TECTA: variants seen among roughly 807,000 people sequenced by gnomAD.
The protein encoded by TECTA is tectorin alpha.
TECTA carries 128 observed loss-of-function variants against 216.8 expected under a neutral mutation model. The ratio of observed to expected loss-of-function variants is 0.59; its 90% CI spans 0.51 to 0.68. The LOEUF is 0.68. Ranked by LOEUF, TECTA falls within the 30% of genes least tolerant of loss-of-function variation. The pLI, the probability that TECTA is intolerant of heterozygous loss-of-function variation, is 0.00. For synonymous variants in TECTA, 1,089 were observed against 1,117.1 expected, an observed-to-expected ratio of 0.97 and a Z score of 0.50; for missense variants, 2,551 against 2,786.2, an observed-to-expected ratio of 0.92 and a Z score of 1.90.
Position 121,152,869 on chromosome 11 carries a change from C to T in TECTA, c.4106-12C>T, listed in dbSNP as rs1470772260. 1.3e-6 allele frequency: 2 copies of T among 1,595,232 alleles called. No homozygotes were observed. The highest frequency in any genetic ancestry group is 3.4e-5 in the Admixed American group (2 of 59,648). On this transcript the variant is annotated splice_polypyrimidine_tract_variant and intron_variant, in intron 12 of 23. Transcript: ENST00000392793. The stretch of plus-strand genomic sequence containing the variant: ...TGATCGTGCGAGTCTTGACTTGTCT[C>T]TCTTGTTCCAGCTGTCACCTGCCCT...
At position 121,158,046 on chromosome 11, in the gene TECTA, G is replaced by C. The variant is rs750105911; in HGVS notation, c.4511G>C (p.Arg1504Pro). ...CGCACCTTCGACGGCGCCTTCCTGC[G>C]CTTCCCAGCCAACTGCGCCTTCGTG... ...VFRTFDGAFL[R>P]FPANCAFVLS... Residue 1504 changes from arginine to proline, a missense_variant, in exon 14 of 24, where the codon CGC (arginine) becomes CCC (proline). This residue lies in a region of TECTA where 2,375 missense variants were observed against 2,563.9 expected (regional missense o/e 0.93). Coordinates refer to ENST00000392793, the MANE Select transcript of TECTA (RefSeq NM_005422.4). 2 of 1,613,438 alleles carry C rather than the reference G, an allele frequency of 1.2e-6. No homozygotes were observed. The highest frequency in any genetic ancestry group is 2.2e-5 in the South Asian group (2 of 91,086).
At chr11:121,116,582 A>G (rs1175898862) in intron 6 of TECTA, among the ~76,000 whole-genome samples, 2 of 152,202 alleles carry the variant, frequency 1.3e-5, no homozygotes, top group East Asian at 3.8e-4. Context: ...GGATGATTTC[A>G]ATATCCTTAT....
rs1404019652 is a variant in TECTA, at chr11:121,113,359, C to T, written c.624+150C>T. 6.7e-7 allele frequency: 1 copy of T among 1,484,084 alleles called. No homozygotes were observed. Among genetic ancestry groups the T allele is most frequent in the Admixed American group, 1.7e-5 (1 of 57,496 alleles). 91.9% of individuals were successfully genotyped at this position (1,484,084 alleles called of 1,614,324 possible). On this transcript the variant is annotated intron_variant, in intron 5 of 23. Coordinates refer to ENST00000392793, the MANE Select transcript of TECTA (RefSeq NM_005422.4). The surrounding 1 kb of genome is among the most constrained non-coding windows in gnomAD (Gnocchi z 4.2). The stretch of plus-strand genomic sequence containing the variant: ...GGTGGACTACGAGGCTAGTCCTGCC[C>T]ATGTTTGGCACCCTGACTCGGCTAT...
chr11:121,168,970 A>T, intron 20 of TECTA, 45 bp downstream of exon 20: 1 of 1,613,570 alleles, frequency 6.2e-7, no homozygotes, highest in Non-Finnish European at 8.5e-7. Flanking sequence ...CTTCAGGTAT[A>T]ATATTGTCCT....
In TECTA at chr11:121,105,965, G is replaced by T; in HGVS notation, c.198+1G>T. On this transcript the variant is annotated splice_donor_variant, in intron 3 of 23. Transcript: ENST00000392793. LOFTEE classifies it high-confidence loss of function. The surrounding 1 kb of genome is among the most constrained non-coding windows in gnomAD (Gnocchi z 5.3). ...TGGCGTTCCTTACCGCACTGTCTATGTAAGTGGAGAAGCAGCCCATCTGTT... is the reference window on the plus strand; with the variant it reads ...TGGCGTTCCTTACCGCACTGTCTATTTAAGTGGAGAAGCAGCCCATCTGTT... 1 of 1,614,218 alleles carries T rather than the reference G, an allele frequency of 6.2e-7. No homozygotes were observed. The highest frequency in any genetic ancestry group is 8.5e-7 in the Non-Finnish European group (1 of 1,180,030).
chr11:121,159,232 T>A (rs1457427169), intron 14 of TECTA, among the ~76,000 whole-genome samples: 1 of 152,230 alleles, frequency 6.6e-6, no homozygotes, highest in Non-Finnish European at 1.5e-5. Context: ...ATACCGGTTT[T>A]AACTTCAATG....
Position 121,102,693 on chromosome 11 carries a change from T to C in TECTA, c.28T>C (p.Trp10Arg), listed in dbSNP as rs1946357001. MNYSSFLRI[W>R]VSFIFALVQH... The stretch of plus-strand genomic sequence containing the variant: ...GAATTATTCATCATTCCTTAGAATT[T>C]GGGTCTCTTTCATCTTCGCACTTGT... The change falls in exon 2 of 24, where the codon TGG becomes CGG. Residue 10 changes from tryptophan (W) to arginine (R), a missense_variant. Transcript: ENST00000392793. 6.2e-7 allele frequency: 1 copy of C among 1,613,874 alleles called. No individual in the cohort carries two copies. Among genetic ancestry groups the C allele is most frequent in the African/African-American group, 1.3e-5 (1 of 74,920 alleles).
chr11:121,151,975 T>C (rs1037084842), intron 12 of TECTA, among the ~76,000 whole-genome samples: 6 of 152,232 alleles, frequency 3.9e-5, no homozygotes, highest in African/African-American at 1.2e-4. Context: ...TGCCAACCAC[T>C]GTTCTGAGCA....
chr11:121,152,782 G>T, intron 12 of TECTA, 99 bp from the exon 13 acceptor site: 1 of 1,286,912 alleles, frequency 7.8e-7, no homozygotes, highest in Non-Finnish European at 1.1e-6. Context: ...GCCTCTCCCC[G>T]TGCCTTTCAT....
chr11:121,158,275 G>A (rs1399172500), intron 14 of TECTA, 51 bp downstream of exon 14: 1 of 1,602,754 alleles, frequency 6.2e-7, no homozygotes, highest in Non-Finnish European at 8.5e-7. Flanking sequence ...ACAAGGGGTT[G>A]GCTAGGGGAC....
chr11:121,179,974 GT>G (rs368080288), intron 20 of TECTA, among the ~76,000 whole-genome samples: 4,749 of 120,572 alleles, frequency 0.039, 243 homozygotes, highest in African/African-American at 0.13. Context: ...TTGTTTGTTT[GT>G]TTTTTTTTTT....
chr11:121,138,161 A>G, intron 11 of TECTA, 139 bp downstream of exon 11: 1 of 1,252,176 alleles, frequency 8.0e-7, no homozygotes, highest in Admixed American at 2.3e-5. Context: ...GAGGCCCTAG[A>G]GATTTTCTGT....
At position 121,188,615 on chromosome 11, in the gene TECTA, T is replaced by TA. The variant is rs556533866; in HGVS notation, c.6163-464dup. Among the ~76,000 whole-genome samples, 875 of 152,336 alleles carry TA rather than the reference T, an allele frequency of 5.7e-3. 6 individuals carry two copies. The highest frequency in any genetic ancestry group is 0.044 in the Middle Eastern group (13 of 294). On this transcript the variant is annotated intron_variant, in intron 21 of 23. Transcript: ENST00000392793. ...GTGCCAGGCTTCCACCTCCACCACT[T>TA]ACGGGCTGGGTCCTTAAGATTTGAT... is the stretch of plus-strand genomic sequence containing the variant.
chr11:121,153,564 A>T (rs937110688), intron 13 of TECTA, among the ~76,000 whole-genome samples: 1 of 152,104 alleles, frequency 6.6e-6, no homozygotes, highest in Non-Finnish European at 1.5e-5. Context: ...AGGCTCCGTG[A>T]GGGTAGCTGT....
intron 20 of TECTA, among the ~76,000 whole-genome samples, chr11:121,175,746 T>G (rs1424162605): frequency 2.0e-5 from 3 of 152,232 alleles, no homozygotes. Context: ...CTAGGTATCC[T>G]TGTTAACTTT....
At chr11:121,125,139 C>T (rs190623373) in intron 7 of TECTA, among the ~76,000 whole-genome samples, 163 bp from the exon 8 acceptor site, 171 of 152,376 alleles carry the variant, frequency 1.1e-3, no homozygotes, top group African/African-American at 3.8e-3. Flanking sequence ...ATTTCCCCCC[C>T]GGCCTTTGCC....
Position 121,106,681 on chromosome 11 carries a change from C to A in TECTA, c.198+717C>A, listed in dbSNP as rs538048286. Reference sequence around the variant, plus strand: ...GAACTGGGTGAGGGATTATACCACACCCCTGGAGGAAGAATGCAACCCTAA... The same window carrying A: ...GAACTGGGTGAGGGATTATACCACAACCCTGGAGGAAGAATGCAACCCTAA... On this transcript the variant is annotated intron_variant, in intron 3 of 23. Coordinates refer to ENST00000392793, the MANE Select transcript of TECTA (RefSeq NM_005422.4). 9.8e-5 allele frequency among the ~76,000 whole-genome samples: 15 copies of A among 152,308 alleles called. No individual in the cohort carries two copies. In the South Asian group the frequency reaches 3.1e-3, roughly 32 times the overall value.
chr11:121,180,866 G>A (rs1947221010), intron 20 of TECTA, among the ~76,000 whole-genome samples: 1 of 125,726 alleles, frequency 8.0e-6, no homozygotes, highest in Non-Finnish European at 1.6e-5. Context: ...CTGTATTCAA[G>A]TTTTAAAATT....
At position 121,137,950 on chromosome 11, in the gene TECTA, G is replaced by A; in HGVS notation, c.3471G>A (p.Trp1157Ter). Residue 1157 changes from tryptophan (W) to a stop codon, truncating the protein, a stop_gained, in exon 11 of 24, where the codon TGG (tryptophan) becomes TGA (stop). Coordinates refer to ENST00000392793, the MANE Select transcript of TECTA (RefSeq NM_005422.4). LOFTEE classifies it high-confidence loss of function. ...ACCGGGACCCGTCACTGGCCTTGTG[G>A]GTTAAGCAGGTGGACGTGACCGTGT... ...NEDRDPSLALWVKQVDVTVFG... is the reference protein window; with the variant it reads ...NEDRDPSLAL 1 of 1,612,216 alleles carries A rather than the reference G, an allele frequency of 6.2e-7. No individual in the cohort carries two copies. Among genetic ancestry groups the A allele is most frequent in the Non-Finnish European group, 8.5e-7 (1 of 1,178,432 alleles).
Sources: allele counts gnomAD v4.1 joint callset (sites outside exome capture counted in the v4.1 genomes callset), GRCh38; gene constraint gnomAD v4.1.1; regional missense constraint gnomAD v4.1.1; non-coding constraint Gnocchi (gnomAD v3.1); transcripts MANE v1.5; gene names NCBI Gene and HGNC (gene_info 2026-07-23, HGNC 2026-07-21).